TP53BP2: variants seen among roughly 807,000 people sequenced by gnomAD.
TP53BP2 encodes apoptosis-stimulating of p53 protein 2.
A neutral mutation model predicts 126.2 loss-of-function variants in TP53BP2; 62 were observed. The ratio of observed to expected loss-of-function variants is 0.49; its 90% CI spans 0.40 to 0.61. The LOEUF (loss-of-function observed/expected upper bound fraction) is 0.61, where lower values mean the gene tolerates loss of function less well. Ranked by LOEUF, TP53BP2 falls within the 20% of genes least tolerant of loss-of-function variation. TP53BP2 has a pLI of 0.00. For missense variants in TP53BP2, 1,215 were observed against 1,402.8 expected (o/e 0.87, Z 2.14); for synonymous variants, 485 against 502.9 (o/e 0.96, Z 0.48).
intron 1 of TP53BP2, among the ~76,000 whole-genome samples, chr1:223,833,148 A>G (rs1008146165): frequency 2.6e-5 from 4 of 152,182 alleles, no homozygotes; most frequent in African/African-American, 7.2e-5. Flanking sequence ...AATATTCACC[A>G]ATTACCATAA....
intron 1 of TP53BP2, among the ~76,000 whole-genome samples, chr1:223,841,086 A>C (rs1213130027): frequency 6.6e-6 from 1 of 152,022 alleles, no homozygotes; most frequent in African/African-American, 2.4e-5. Flanking sequence ...CCCTGTCTCT[A>C]CTAAAAAATA....
At chr1:223,821,483 C>T in intron 1 of TP53BP2, 116 bp from the exon 2 acceptor site, 1 of 1,396,058 alleles carries the variant, frequency 7.2e-7, no homozygotes, top group Non-Finnish European at 1.0e-6. Flanking sequence ...TACAACAGAA[C>T]AGTCTGGCTG....
chr1:223,827,890 A>G (rs891725369), intron 1 of TP53BP2, among the ~76,000 whole-genome samples: 3 of 152,096 alleles, frequency 2.0e-5, no homozygotes, highest in Non-Finnish European at 4.4e-5. Context: ...TGTTCTTTTT[A>G]TTGCTACCAT....
Position 223,802,325 on chromosome 1 carries a change from A to T in TP53BP2, c.1016T>A (p.Leu339His). 6.2e-7 allele frequency: 1 copy of T among 1,614,166 alleles called. No homozygotes were observed. The highest frequency in any genetic ancestry group is 1.1e-5 in the South Asian group (1 of 91,076). ...TGGGGCTGACGCGGCTTGCTGGGGA[A>T]GATTTCCATCAGATGAAACCTTAGG... ...ENLPVSSDGN[L>H]PQQAASAPSR... The change falls in exon 9 of 18, where the codon CTT becomes CAT. Residue 339 changes from leucine (L) to histidine (H), a missense_variant. By Grantham distance (99) the Leu-to-His change is moderately conservative. Coordinates refer to ENST00000343537, the MANE Select transcript of TP53BP2 (RefSeq NM_001031685.3).
At chr1:223,843,224 A>C (rs572336009) in intron 1 of TP53BP2, among the ~76,000 whole-genome samples, 1 of 151,774 alleles carries the variant, frequency 6.6e-6, no homozygotes, top group Admixed American at 6.6e-5. Flanking sequence ...ACCAGGCTGG[A>C]GTACAGTGGT....
intron 16 of TP53BP2, among the ~76,000 whole-genome samples, chr1:223,785,951 A>G (rs1281983847): frequency 1.3e-5 from 2 of 152,246 alleles, no homozygotes; most frequent in African/African-American, 4.8e-5. Context: ...ACACCAGAAG[A>G]CAAGTACCAA....
chr1:223,828,732 G>C (rs1305025665), intron 1 of TP53BP2, among the ~76,000 whole-genome samples: 1 of 152,164 alleles, frequency 6.6e-6, no homozygotes, highest in Non-Finnish European at 1.5e-5. Context: ...AGCCAGACAT[G>C]AAAGACCACA....
intron 1 of TP53BP2, among the ~76,000 whole-genome samples, chr1:223,845,404 C>G (rs2102898161): frequency 6.6e-6 from 1 of 152,324 alleles, no homozygotes; most frequent in East Asian, 1.9e-4. Context: ...TCGCCTGACT[C>G]CGGAGCAGCT....
At chr1:223,806,266 T>C (rs1571854423) in intron 5 of TP53BP2, among the ~76,000 whole-genome samples, 3 of 152,262 alleles carry the variant, frequency 2.0e-5, no homozygotes, top group Admixed American at 1.3e-4. Flanking sequence ...CCACCTTTCC[T>C]GTCTGGCTGA....
chr1:223,795,602 C>CT (rs1378496231), intron 13 of TP53BP2, among the ~76,000 whole-genome samples: 2 of 152,148 alleles, frequency 1.3e-5, no homozygotes, highest in Non-Finnish European at 2.9e-5. Flanking sequence ...GAACAAAACT[C>CT]TGTTTCTTTC....
At chr1:223,793,206 C>A in intron 14 of TP53BP2, 97 bp downstream of exon 14, 293 of 828,688 alleles carry the variant, frequency 3.5e-4, no homozygotes, top group East Asian at 8.6e-4. Context: ...AAACAAAATA[C>A]AAGGTCATAT....
In TP53BP2 at chr1:223,798,210, C is replaced by T; in HGVS notation, c.1948+5G>A. ...CACGTCACCTATGAACGTTAAGAAC[C>T]TTACCACTTGAAAAGTGTGGCCCTC... On this transcript the variant is annotated splice_donor_5th_base_variant and intron_variant, in intron 12 of 17. Coordinates refer to ENST00000343537, the MANE Select transcript of TP53BP2 (RefSeq NM_001031685.3). 2 of 1,610,228 alleles carry T rather than the reference C, an allele frequency of 1.2e-6. No homozygotes were observed. Among genetic ancestry groups the T allele is most frequent in the Non-Finnish European group, 1.7e-6 (2 of 1,177,774 alleles).
At position 223,799,875 on chromosome 1, in the gene TP53BP2, A is replaced by T. The variant is rs765514493; in HGVS notation, c.1485+24T>A. 2.6e-6 allele frequency: 4 copies of T among 1,549,798 alleles called. No individual in the cohort carries two copies. The Admixed American group carries it at 8.7e-5, about 34-fold the overall frequency. On this transcript the variant is annotated intron_variant, in intron 11 of 17. Transcript: ENST00000343537. ...CATTATAGAATTACTATTAAATTTT[A>T]AAAACCAGGATATTTGTAGGTACCT... is the stretch of plus-strand genomic sequence containing the variant.
intron 10 of TP53BP2, among the ~76,000 whole-genome samples, 177 bp downstream of exon 10, chr1:223,800,523 C>T (rs1662492344): frequency 1.3e-5 from 2 of 151,970 alleles, no homozygotes; most frequent in Non-Finnish European, 2.9e-5. Context: ...GGAGGCTGCA[C>T]CAGTGAGCCA....
intron 1 of TP53BP2, among the ~76,000 whole-genome samples, chr1:223,841,912 C>CT (rs779473003): frequency 0.15 from 21,737 of 142,312 alleles, 1,965 homozygotes; most frequent in African/African-American, 0.25. Context: ...CTTTCTCTTT[C>CT]TTTTTTTTTT....
Position 223,798,629 on chromosome 1 carries a change from G to T in TP53BP2, c.1534C>A (p.Pro512Thr). The change falls in exon 12 of 18, where the codon CCA becomes ACA. Residue 512 changes from proline to threonine, a missense_variant. Pro to Thr is a conservative substitution (Grantham distance 38). Around this residue, in one of 4 missense-constraint regions of TP53BP2, gnomAD observed 814 missense variants for 853.0 expected, o/e 0.95. Transcript: ENST00000343537. Reference protein sequence around the residue: ...AKVPPPVPTKPKQINLPYFGQ... With the variant: ...AKVPPPVPTKTKQINLPYFGQ... ...AAATAAGGCAAATTAATCTGTTTTG[G>T]TTTTGTAGGAACAGGAGGTGGTACT... The T allele has an allele frequency of 1.2e-6, 2 of 1,613,994 alleles. No individual in the cohort carries two copies. Among genetic ancestry groups the T allele is most frequent in the Non-Finnish European group, 1.7e-6 (2 of 1,179,946 alleles).
intron 16 of TP53BP2, among the ~76,000 whole-genome samples, chr1:223,786,765 CCT>C (rs1661980552): frequency 6.6e-6 from 1 of 150,862 alleles, no homozygotes; most frequent in South Asian, 2.1e-4. Context: ...CACCACCACG[CCT>C]GTCTAATTTT....
intron 2 of TP53BP2, among the ~76,000 whole-genome samples, chr1:223,820,333 G>A (rs1663257931): frequency 6.6e-6 from 1 of 152,212 alleles, no homozygotes; most frequent in Non-Finnish European, 1.5e-5. Flanking sequence ...TATTCTAAGT[G>A]GAGGAGAAGT....
rs1468259971 is a variant in TP53BP2, at chr1:223,796,059, C to G, written c.2480G>C (p.Ser827Thr). ...EDVGNASTEN[S>T]DMPAPSPGLD... ...GCCTGGAGAAGGAGCTGGCATGTCA[C>G]TGTTCTCTGTACTGGCATTCCCCAC... The change falls in exon 13 of 18, where the codon AGT becomes ACT. Residue 827 changes from serine to threonine, a missense_variant. This residue lies in a region of TP53BP2 where 204 missense variants were observed against 225.7 expected (regional missense o/e 0.90). Transcript: ENST00000343537. This position sits in a 1 kb window ranked among gnomAD's most constrained non-coding sequence, Gnocchi z 4.2. The G allele has an allele frequency of 1.9e-6, 3 of 1,614,080 alleles. No individual in the cohort carries two copies. The highest frequency in any genetic ancestry group is 2.5e-6 in the Non-Finnish European group (3 of 1,180,034).
Sources: gnomAD v4.1 joint callset for allele counts (sites outside exome capture counted in the v4.1 genomes callset) on GRCh38, gnomAD v4.1.1 for gene constraint, gnomAD v4.1.1 regional missense constraint, Gnocchi (gnomAD v3.1) non-coding constraint, MANE v1.5 for transcripts, NCBI Gene and HGNC (gene_info 2026-07-23, HGNC 2026-07-21) for gene names.